Variants in IKZF1 observed in about 807,000 individuals in gnomAD.
IKZF1 encodes IKAROS family zinc finger 1.
IKZF1 carries 10 observed loss-of-function variants against 51.7 expected under a neutral mutation model. That is an observed-to-expected ratio of 0.19 (90% CI 0.12 to 0.33). The LOEUF (loss-of-function observed/expected upper bound fraction) is 0.33, where lower values mean the gene tolerates loss of function less well. IKZF1 is among the 10% of genes least tolerant of loss of function. IKZF1 has a pLI of 1.00. For synonymous variants in IKZF1, 280 were observed against 282.3 expected (o/e 0.99, Z 0.08); for missense variants, 484 against 707.5 (o/e 0.68, Z 3.58).
At chr7:50,365,707 T>C (rs772249058) in intron 3 of IKZF1, among the ~76,000 whole-genome samples, 2 of 152,198 alleles carry the variant, frequency 1.3e-5, no homozygotes, top group Non-Finnish European at 2.9e-5. Flanking sequence ...AGTTCAACCA[T>C]GTGGAAGACA....
intron 3 of IKZF1, among the ~76,000 whole-genome samples, chr7:50,362,343 A>AG (rs1805504837): frequency 6.6e-6 from 1 of 152,266 alleles, no homozygotes; most frequent in Non-Finnish European, 1.5e-5. Context: ...AGTGTCTGCC[A>AG]GGGGCATTTG....
chr7:50,378,012 C>A (rs1432594521), intron 4 of IKZF1, among the ~76,000 whole-genome samples: 3 of 152,106 alleles, frequency 2.0e-5, no homozygotes, highest in African/African-American at 7.2e-5. Flanking sequence ...GAAATCAGAC[C>A]CTCGTATGCT....
intron 1 of IKZF1, among the ~76,000 whole-genome samples, chr7:50,315,115 T>C (rs1791207225): frequency 1.3e-5 from 2 of 152,242 alleles, no homozygotes; most frequent in South Asian, 4.1e-4. Flanking sequence ...TGTAAAGTTA[T>C]GGATATGCTA....
intron 6 of IKZF1, among the ~76,000 whole-genome samples, chr7:50,389,846 C>G (rs572507686): frequency 6.1e-4 from 93 of 152,272 alleles, no homozygotes; most frequent in African/African-American, 2.2e-3. Context: ...TCTGATGCAT[C>G]TCTCCTCCTC....
chr7:50,360,707 G>A (rs898918990), intron 3 of IKZF1, among the ~76,000 whole-genome samples: 17 of 152,206 alleles, frequency 1.1e-4, no homozygotes, highest in Admixed American at 4.6e-4. Flanking sequence ...TGTGGCCCAC[G>A]CTGCAGACAC....
rs927830241 is a variant in IKZF1, at chr7:50,376,264, G to A, written c.161-269G>A. ...TGGGAACTATGTAAATACCTTTCTA[G>A]TGCATTTTCAGATAATCGCCACTGG... On this transcript the variant is annotated intron_variant, in intron 3 of 7. Coordinates refer to ENST00000331340, the MANE Select transcript of IKZF1 (RefSeq NM_006060.6). This position sits in a 1 kb window ranked among gnomAD's most constrained non-coding sequence, Gnocchi z 4.5. Among the ~76,000 whole-genome samples the A allele has an allele frequency of 2.6e-5, 4 of 152,180 alleles. No homozygotes were observed. Among genetic ancestry groups the A allele is most frequent in the African/African-American group, 9.7e-5 (4 of 41,432 alleles).
Position 50,400,638 on chromosome 7 carries a change from C to T in IKZF1, c.*11C>T, listed in dbSNP as rs1585041086. ...TTCCACATGAGCTAAAGCCCTCCCGCGCCCCCACCCCAGACCCCGAGCCAC... is the reference window on the plus strand; with the variant it reads ...TTCCACATGAGCTAAAGCCCTCCCGTGCCCCCACCCCAGACCCCGAGCCAC... On this transcript the variant is annotated 3_prime_UTR_variant, in exon 8 of 8. Transcript: ENST00000331340. This position sits in a 1 kb window ranked among gnomAD's most constrained non-coding sequence, Gnocchi z 5.4. The T allele has an allele frequency of 5.0e-6, 8 of 1,599,156 alleles. No individual in the cohort carries two copies. The highest frequency in any genetic ancestry group is 4.0e-5 in the African/African-American group (3 of 74,944).
At chr7:50,336,542 G>C (rs1323083791) in intron 3 of IKZF1, among the ~76,000 whole-genome samples, 1 of 152,212 alleles carries the variant, frequency 6.6e-6, no homozygotes, top group Non-Finnish European at 1.5e-5. Context: ...CTGTCAGATA[G>C]CTCGCCCTTG....
rs1262019930 is a variant in IKZF1 at position 50,337,654 on chromosome 7, C to T, written c.160+9897C>T. 2.0e-5 allele frequency among the ~76,000 whole-genome samples: 3 copies of T among 152,186 alleles called. No individual in the cohort carries two copies. The East Asian group carries it at 5.8e-4, about 29-fold the overall frequency. On this transcript the variant is annotated intron_variant, in intron 3 of 7. Transcript: ENST00000331340. ...ATTGAATGAATGAATGGGAATGTGGCACTGCTTTCTCAAAGATGAGGGCAA... is the reference window on the plus strand; with the variant it reads ...ATTGAATGAATGAATGGGAATGTGGTACTGCTTTCTCAAAGATGAGGGCAA...
chr7:50,355,592 A>G (rs1803089502), intron 3 of IKZF1, among the ~76,000 whole-genome samples: 1 of 151,142 alleles, frequency 6.6e-6, no homozygotes. Flanking sequence ...CTCTTAATTC[A>G]CTCCAAAGTT....
chr7:50,336,367 G>C (rs1360365185), intron 3 of IKZF1, among the ~76,000 whole-genome samples: 1 of 152,154 alleles, frequency 6.6e-6, no homozygotes, highest in South Asian at 2.1e-4. Flanking sequence ...GTCACATCTC[G>C]GCTGTCCCCT....
intron 3 of IKZF1, among the ~76,000 whole-genome samples, chr7:50,339,594 G>GA (rs1306274936): frequency 1.1e-4 from 17 of 149,320 alleles, no homozygotes; most frequent in South Asian, 2.1e-4. Flanking sequence ...ACTAAAATAT[G>GA]AAAAAAAAAA....
intron 3 of IKZF1, chr7:50,369,588 A>G (rs1227585947): frequency 7.5e-6 from 3 of 398,502 alleles, no homozygotes; most frequent in African/African-American, 2.1e-5. Flanking sequence ...CCCGCAAAAC[A>G]GCAACCAAAC....
chr7:50,349,388 AAC>A (rs1801238924), intron 3 of IKZF1, among the ~76,000 whole-genome samples: 2 of 152,224 alleles, frequency 1.3e-5, no homozygotes, highest in African/African-American at 4.8e-5. Context: ...AAGGAGAGAA[AAC>A]AGTTTTGATG....
intron 1 of IKZF1, among the ~76,000 whole-genome samples, chr7:50,317,598 C>T (rs994638824): frequency 6.6e-6 from 1 of 152,148 alleles, no homozygotes; most frequent in African/African-American, 2.4e-5. Context: ...TGGCCACTAG[C>T]TGTACTCCTA....
In IKZF1 at chr7:50,395,624, TTTAG is replaced by T. The variant is rs1459293661; in HGVS notation, c.850+3765_850+3768del. On this transcript the variant is annotated intron_variant, in intron 7 of 7. Transcript: ENST00000331340. ...ATTCTGTAATCATAATTCATAGTAG[TTTAG>T]TTATTTATTACTAACTCTATTTAAA... Among the ~76,000 whole-genome samples the T allele has an allele frequency of 3.3e-5, 5 of 152,216 alleles. No individual in the cohort carries two copies. In the East Asian group the frequency reaches 9.6e-4, roughly 29 times the overall value.
At position 50,313,758 on chromosome 7, in the gene IKZF1, G is replaced by A. The variant is rs535702038; in HGVS notation, c.-14-5290G>A. 5.9e-5 allele frequency among the ~76,000 whole-genome samples: 9 copies of A among 152,338 alleles called. No individual in the cohort carries two copies. In the East Asian group the frequency reaches 1.7e-3, roughly 29 times the overall value. On this transcript the variant is annotated intron_variant, in intron 1 of 7. Coordinates refer to ENST00000331340, the MANE Select transcript of IKZF1 (RefSeq NM_006060.6). ...CTTGGGTTTAATTGGGAGAGTTAAA[G>A]ACACATTTACATATTTAGCAAGTAG... is the stretch of plus-strand genomic sequence containing the variant.
At chr7:50,327,616 C>CA in intron 2 of IKZF1, 22 bp from the exon 3 acceptor site, 1 of 1,596,312 alleles carries the variant, frequency 6.3e-7, no homozygotes, top group Non-Finnish European at 8.5e-7. Context: ...GCCCGAGACT[C>CA]ACACTTCTTC....
At chr7:50,319,364 A>G (rs147648554) in intron 2 of IKZF1, among the ~76,000 whole-genome samples, 2 of 152,284 alleles carry the variant, frequency 1.3e-5, no homozygotes, top group African/African-American at 4.8e-5. Context: ...ACATTTTTGT[A>G]CTGTTGGAAG....
Sources: gnomAD v4.1 joint callset for allele counts (sites outside exome capture counted in the v4.1 genomes callset) on GRCh38, gnomAD v4.1.1 for gene constraint, Gnocchi (gnomAD v3.1) non-coding constraint, MANE v1.5 for transcripts, NCBI Gene and HGNC (gene_info 2026-07-23, HGNC 2026-07-21) for gene names.